STOM: variants seen among roughly 807,000 people sequenced by gnomAD.
STOM encodes stomatin.
Under a neutral mutation model 30.6 loss-of-function variants are expected in STOM, and 25 were observed. The observed-to-expected ratio is 0.82, with a 90% CI of 0.60 to 1.14. The LOEUF (loss-of-function observed/expected upper bound fraction) is 1.14, where lower values mean the gene tolerates loss of function less well. STOM is among the 50% of genes most tolerant of loss of function. The pLI, the probability that STOM is intolerant of heterozygous loss-of-function variation, is 0.00. For missense variants in STOM, 292 were observed against 365.2 expected (o/e 0.80, Z 1.63); for synonymous variants, 118 against 130.8 (o/e 0.90, Z 0.67).
At position 121,355,256 on chromosome 9, in the gene STOM, AT is replaced by A. The variant is rs1302427067; in HGVS notation, c.166-584del. 5.6e-4 allele frequency among the ~76,000 whole-genome samples: 80 copies of A among 143,616 alleles called. 1 individual carries two copies. The East Asian group carries it at 6.5e-3, about 12-fold the overall frequency. 94.2% of individuals were successfully genotyped at this position (143,616 alleles called of 152,430 possible). A position where few individuals can be genotyped will look rare whatever the true frequency, so the allele number is the denominator to read the frequency against. ...CAAAAAAAAAAAAAAAAAAATAATA[AT>A]AATAATAATAATCCCAGCTACACGG... On this transcript the variant is annotated intron_variant, in intron 2 of 6. Transcript: ENST00000286713.
At chr9:121,363,321 C>G (rs2134044451) in intron 1 of STOM, among the ~76,000 whole-genome samples, 1 of 152,280 alleles carries the variant, frequency 6.6e-6, no homozygotes, top group South Asian at 2.1e-4. Context: ...TTAGGGGTAA[C>G]AGTAGGCCAA....
intron 1 of STOM, among the ~76,000 whole-genome samples, chr9:121,368,360 G>A (rs1011950872): frequency 2.0e-5 from 3 of 152,166 alleles, no homozygotes; most frequent in African/African-American, 7.2e-5. Flanking sequence ...ACTCCAAGCA[G>A]ATTTGCCACT....
chr9:121,348,967 C>T (rs1304614158), intron 5 of STOM, among the ~76,000 whole-genome samples, 153 bp downstream of exon 5: 2 of 152,052 alleles, frequency 1.3e-5, no homozygotes, highest in Admixed American at 6.5e-5. Context: ...GAAAAATGTC[C>T]CCTCCTGCCA....
At chr9:121,349,932 A>G (rs1386291182) in intron 4 of STOM, among the ~76,000 whole-genome samples, 1 of 152,250 alleles carries the variant, frequency 6.6e-6, no homozygotes, top group African/African-American at 2.4e-5. Context: ...AAATAGTTAC[A>G]TCCATCACTT....
At chr9:121,347,706 G>A (rs912702269) in intron 6 of STOM, among the ~76,000 whole-genome samples, 4 of 152,100 alleles carry the variant, frequency 2.6e-5, no homozygotes, top group East Asian at 3.8e-4. Context: ...GTACTGATAC[G>A]TCCATAGATA....
In STOM at chr9:121,370,220, T is replaced by C. The variant is rs2064553171; in HGVS notation, c.-33A>G. ...GAGACGCAGTCGCACTCCCCCGTCC[T>C]CGTTGCCAAACCCGGAGCCGCCGGG... On this transcript the variant is annotated 5_prime_UTR_variant, in exon 1 of 7. Coordinates refer to ENST00000286713, the MANE Select transcript of STOM (RefSeq NM_004099.6). 1 of 1,536,708 alleles carries C rather than the reference T, an allele frequency of 6.5e-7. No homozygotes were observed. The highest frequency in any genetic ancestry group is 2.0e-5 in the Admixed American group (1 of 50,542).
intron 4 of STOM, among the ~76,000 whole-genome samples, chr9:121,349,894 G>A (rs537385572): frequency 1.3e-5 from 2 of 152,206 alleles, no homozygotes; most frequent in Non-Finnish European, 2.9e-5. Flanking sequence ...TTTAAGCTAA[G>A]AAGTTATCTG....
chr9:121,349,067 C>T (rs1589289506), intron 5 of STOM, 53 bp downstream of exon 5: 2 of 1,586,632 alleles, frequency 1.3e-6, no homozygotes, highest in African/African-American at 2.7e-5. Flanking sequence ...ACCATTGACT[C>T]TTTGCTTCAT....
In STOM at chr9:121,340,671, A is replaced by AC; in HGVS notation, c.*530dup. ...AGGCTGAGGCAGGAGAATCTCTTGA[A>AC]CCCAGGAGGCGGAGGTTGCAGTGAG... On this transcript the variant is annotated 3_prime_UTR_variant, in exon 7 of 7. Coordinates refer to ENST00000286713, the MANE Select transcript of STOM (RefSeq NM_004099.6). 11 of 843,798 alleles carry AC rather than the reference A, an allele frequency of 1.3e-5. No individual in the cohort carries two copies. Among genetic ancestry groups the AC allele is most frequent in the Non-Finnish European group, 1.6e-5 (11 of 701,038 alleles). 52.3% of individuals were successfully genotyped at this position (843,798 alleles called of 1,614,324 possible).
intron 1 of STOM, among the ~76,000 whole-genome samples, chr9:121,365,787 G>T (rs919102431): frequency 6.6e-6 from 1 of 152,074 alleles, no homozygotes; most frequent in African/African-American, 2.4e-5. Context: ...TATGTAAAGG[G>T]CTTGACACTT....
chr9:121,369,899 C>T (rs2064547306), intron 1 of STOM: 5 of 505,828 alleles, frequency 9.9e-6, no homozygotes, highest in Admixed American at 9.4e-5. Flanking sequence ...AACCAGGGCC[C>T]GTGCGATGGG....
chr9:121,351,094 A>G (rs2064335163), intron 4 of STOM, among the ~76,000 whole-genome samples: 1 of 152,212 alleles, frequency 6.6e-6, no homozygotes, highest in African/African-American at 2.4e-5. Context: ...GGGATCAGAA[A>G]AAGGATTGCT....
At chr9:121,354,470 T>C (rs887199096) in intron 3 of STOM, 131 bp downstream of exon 3, 96 of 622,184 alleles carry the variant, frequency 1.5e-4, no homozygotes, top group Non-Finnish European at 2.0e-4. Context: ...CAGTGAGACA[T>C]GAGCATGCCA....
chr9:121,343,074 G>T (rs2064260575), intron 6 of STOM, among the ~76,000 whole-genome samples: 1 of 152,174 alleles, frequency 6.6e-6, no homozygotes, highest in Non-Finnish European at 1.5e-5. Context: ...GAATAAAGGG[G>T]GCTATTATAG....
At chr9:121,365,407 ATTAAG>A (rs2064493222) in intron 1 of STOM, among the ~76,000 whole-genome samples, 1 of 152,098 alleles carries the variant, frequency 6.6e-6, no homozygotes, top group African/African-American at 2.4e-5. Context: ...CATAATGGGT[ATTAAG>A]TTAATTAAAT....
intron 1 of STOM, among the ~76,000 whole-genome samples, chr9:121,365,020 A>C (rs2064489176): frequency 6.6e-6 from 1 of 152,170 alleles, no homozygotes; most frequent in African/African-American, 2.4e-5. Flanking sequence ...GTACCTCCTC[A>C]GGTTAGTGTG....
intron 1 of STOM, among the ~76,000 whole-genome samples, chr9:121,358,920 T>C (rs565631489): frequency 6.6e-6 from 1 of 152,332 alleles, no homozygotes; most frequent in South Asian, 2.1e-4. Flanking sequence ...ACGGCTATCA[T>C]TCTGCAATTG....
intron 5 of STOM, among the ~76,000 whole-genome samples, chr9:121,348,386 A>G (rs2064308283): frequency 6.6e-6 from 1 of 152,332 alleles, no homozygotes; most frequent in African/African-American, 2.4e-5. Context: ...GTGATTGTTT[A>G]TTTGTAGTCT....
At chr9:121,351,112 TC>T (rs747287579) in intron 4 of STOM, among the ~76,000 whole-genome samples, 1 of 152,204 alleles carries the variant, frequency 6.6e-6, no homozygotes, top group Non-Finnish European at 1.5e-5. Context: ...GCTGCCAAGT[TC>T]CAATCTGCTT....
Sources: gnomAD v4.1 joint callset for allele counts (sites outside exome capture counted in the v4.1 genomes callset) on GRCh38, gnomAD v4.1.1 for gene constraint, MANE v1.5 for transcripts, NCBI Gene and HGNC (gene_info 2026-07-23, HGNC 2026-07-21) for gene names.